FOXP1: variants seen among roughly 807,000 people sequenced by gnomAD.
FOXP1 encodes the protein forkhead box protein P1.
A neutral mutation model predicts 98.2 loss-of-function variants in FOXP1; 15 were observed. The ratio of observed to expected loss-of-function variants is 0.15; its 90% CI spans 0.10 to 0.24. The LOEUF (loss-of-function observed/expected upper bound fraction) is 0.24, where lower values mean the gene tolerates loss of function less well. Among genes scored for constraint, FOXP1 ranks in the 10% least tolerant of loss-of-function variants. FOXP1 has a pLI of 1.00. For missense variants in FOXP1, 633 were observed against 848.5 expected, an observed-to-expected ratio of 0.75 and a Z score of 3.15; for synonymous variants, 371 against 314.5, an observed-to-expected ratio of 1.18 and a Z score of -1.90.
At chr3:71,002,594 G>A (rs1368570729) in intron 12 of FOXP1, among the ~76,000 whole-genome samples, 1 of 152,156 alleles carries the variant, frequency 6.6e-6, no homozygotes, top group Non-Finnish European at 1.5e-5. Context: ...CCTAGTTCAG[G>A]TGTTCTTAAA....
At chr3:71,374,486 G>A (rs1307522465) in intron 3 of FOXP1, among the ~76,000 whole-genome samples, 4 of 152,078 alleles carry the variant, frequency 2.6e-5, no homozygotes, top group Non-Finnish European at 4.4e-5. Context: ...CCAGCTACTT[G>A]GGAGGCTGAG....
chr3:71,029,072 T>C (rs1014894211), intron 11 of FOXP1, among the ~76,000 whole-genome samples: 16 of 152,172 alleles, frequency 1.1e-4, no homozygotes, highest in Non-Finnish European at 1.8e-4. Flanking sequence ...CATAGACCAG[T>C]ACCAGTCTGT....
chr3:71,121,645 G>A (rs935245492), intron 6 of FOXP1, among the ~76,000 whole-genome samples: 6 of 152,168 alleles, frequency 3.9e-5, no homozygotes, highest in Non-Finnish European at 7.3e-5. Flanking sequence ...CATTCAAGCA[G>A]TGCCCAAGCC....
rs4056100 is a variant in FOXP1, at chr3:71,016,656, AACACACACACAC to A, written c.870-1015_870-1004del. Among the ~76,000 whole-genome samples, 1,252 of 146,242 alleles carry A rather than the reference AACACACACACAC, an allele frequency of 8.6e-3. 15 individuals carry two copies. The highest frequency in any genetic ancestry group is 0.03 in the African/African-American group (1,211 of 39,758). On this transcript the variant is annotated intron_variant, in intron 11 of 20. Coordinates refer to ENST00000649528, the MANE Select transcript of FOXP1 (RefSeq NM_001349338.3). ...AAGCACAATGAATGATGATTACAAGAACACACACACACACACACACACACACACACACACATG... is the reference window on the plus strand; with the variant it reads ...AAGCACAATGAATGATGATTACAAGAACACACACACACACACACACACATG...
At chr3:70,978,393 G>A (rs2038057199) in intron 14 of FOXP1, among the ~76,000 whole-genome samples, 1 of 152,206 alleles carries the variant, frequency 6.6e-6, no homozygotes. Context: ...AAGAGGGAGA[G>A]AAGTCCTTAG....
intron 4 of FOXP1, among the ~76,000 whole-genome samples, chr3:71,301,777 G>A (rs1018784940): frequency 1.3e-5 from 2 of 152,144 alleles, no homozygotes; most frequent in African/African-American, 4.8e-5. Flanking sequence ...TGCTGCATTT[G>A]AACCTGCGGA....
chr3:71,199,881 G>T (rs185541836), intron 5 of FOXP1, among the ~76,000 whole-genome samples: 1,811 of 152,050 alleles, frequency 0.012, 30 homozygotes, highest in African/African-American at 0.041. Context: ...TTCAAGACCA[G>T]CCTGGCCAAT....
In FOXP1 at chr3:70,977,841, C is replaced by T. The variant is rs368234766; in HGVS notation, c.1335G>A (p.Val445=). ...TGGAGTATCTACCTGACGAAATGGG[C>T]ACGTTGTATTTGTCTGAGTACCGCC... ...IRRRYSDKYN[V]PISSADIAQN... Residue 445 remains valine, a synonymous_variant, in exon 15 of 21, where the codon GTG becomes GTA. Coordinates refer to ENST00000649528, the MANE Select transcript of FOXP1 (RefSeq NM_001349338.3). The T allele has an allele frequency of 1.9e-6, 3 of 1,614,050 alleles. No individual in the cohort carries two copies. In the African/African-American group the frequency reaches 4.0e-5, roughly 22 times the overall value.
At chr3:71,123,537 T>C (rs957236292) in intron 6 of FOXP1, among the ~76,000 whole-genome samples, 1 of 152,164 alleles carries the variant, frequency 6.6e-6, no homozygotes, top group African/African-American at 2.4e-5. Flanking sequence ...AAGCAAATAA[T>C]AGAAAAGCAG....
chr3:71,070,473 C>T (rs1185493153), intron 7 of FOXP1, among the ~76,000 whole-genome samples: 3 of 152,152 alleles, frequency 2.0e-5, no homozygotes, highest in African/African-American at 4.8e-5. Context: ...TTGGCTGACT[C>T]GCAGTTCGAG....
intron 20 of FOXP1, among the ~76,000 whole-genome samples, chr3:70,965,600 AAG>A (rs1260298182): frequency 6.6e-6 from 1 of 152,132 alleles, no homozygotes; most frequent in African/African-American, 2.4e-5. Flanking sequence ...GAGGAGGAAA[AAG>A]TAGTGTGGCT....
chr3:71,332,768 G>A (rs2076416374), intron 4 of FOXP1: 1 of 152,268 alleles, frequency 6.6e-6, no homozygotes, highest in South Asian at 2.1e-4. Context: ...CAAGTGACCA[G>A]TGTCACTTTG....
chr3:71,167,010 A>G (rs1323923067), intron 6 of FOXP1, among the ~76,000 whole-genome samples: 1 of 152,090 alleles, frequency 6.6e-6, no homozygotes, highest in Non-Finnish European at 1.5e-5. Flanking sequence ...GGCAGAATCA[A>G]TCAATCAAGA....
intron 2 of FOXP1, among the ~76,000 whole-genome samples, chr3:71,568,427 A>G (rs2047082814): frequency 6.6e-6 from 1 of 152,134 alleles, no homozygotes; most frequent in African/African-American, 2.4e-5. Context: ...TCTGAATCTC[A>G]GGCAGAGCTG....
intron 7 of FOXP1, among the ~76,000 whole-genome samples, chr3:71,088,116 G>A (rs2055340496): frequency 6.6e-6 from 1 of 152,220 alleles, no homozygotes; most frequent in Non-Finnish European, 1.5e-5. Context: ...CTGGGGAATA[G>A]ATGGAGTCTC....
At chr3:71,335,105 T>C (rs753381635) in intron 4 of FOXP1, 1 of 151,774 alleles carries the variant, frequency 6.6e-6, no homozygotes, top group Non-Finnish European at 1.5e-5. Flanking sequence ...ACAAAAAAAT[T>C]AAATTAAATT....
chr3:71,061,384 A>G (rs1433023104), intron 7 of FOXP1, among the ~76,000 whole-genome samples: 5 of 152,168 alleles, frequency 3.3e-5, no homozygotes, highest in Non-Finnish European at 5.9e-5. Context: ...AGATACATGA[A>G]ATCAAGCTAT....
chr3:71,259,271 T>C (rs951448031), intron 5 of FOXP1, among the ~76,000 whole-genome samples: 3 of 152,238 alleles, frequency 2.0e-5, no homozygotes, highest in Non-Finnish European at 4.4e-5. Context: ...CAAGCTACAG[T>C]GTGACCTTGC....
chr3:71,309,284 T>C (rs1209394314), intron 4 of FOXP1, among the ~76,000 whole-genome samples: 1 of 152,130 alleles, frequency 6.6e-6, no homozygotes, highest in African/African-American at 2.4e-5. Flanking sequence ...TCGAAATCAC[T>C]GCGCTAAGAA....
Sources: allele counts gnomAD v4.1 joint callset (sites outside exome capture counted in the v4.1 genomes callset), GRCh38; gene constraint gnomAD v4.1.1; transcripts MANE v1.5; gene names NCBI Gene and HGNC (gene_info 2026-07-23, HGNC 2026-07-21).